The following ARHGEF18 variants were observed in gnomAD, a reference collection of about 807,000 sequenced individuals.
The protein encoded by ARHGEF18 is rho guanine nucleotide exchange factor 18.
ARHGEF18 carries 93 observed loss-of-function variants against 155.7 expected under a neutral mutation model. The observed-to-expected ratio is 0.60, with a 90% CI of 0.50 to 0.71. The LOEUF is 0.71. ARHGEF18 is among the 30% of genes least tolerant of loss of function. The pLI is 0.00. For synonymous variants in ARHGEF18, 742 were observed against 753.1 expected (o/e 0.99, Z 0.24); for missense variants, 1,593 against 1,816.1 (o/e 0.88, Z 2.23).
In ARHGEF18 at chr19:7,468,823, A is replaced by C. The variant is rs747849238; in HGVS notation, c.3481-2A>C. On this transcript the variant is annotated splice_acceptor_variant, in intron 26 of 28. Transcript: ENST00000668164. LOFTEE classifies it high-confidence loss of function. ...TGGATGTATCTGCTGTTGTCCCCTC[A>C]GGCCCAGCCCCCAAGCCACCCTCCC... 2 of 1,545,842 alleles carry C rather than the reference A, an allele frequency of 1.3e-6. No homozygotes were observed. Among genetic ancestry groups the C allele is most frequent in the Non-Finnish European group, 1.8e-6 (2 of 1,141,072 alleles).
rs183894246 is a variant in ARHGEF18, at chr19:7,468,558, C to T, written c.3481-267C>T. Among the ~76,000 whole-genome samples, 19 of 152,288 alleles carry T rather than the reference C, an allele frequency of 1.2e-4. No homozygotes were observed. In the East Asian group the frequency reaches 2.1e-3, roughly 17 times the overall value. ...TGTCTCTGAAAACAAATCTATAAAC[C>T]ATGGGTTCTGTGAACAGATGTGGAC... On this transcript the variant is annotated intron_variant, in intron 26 of 28. Coordinates refer to ENST00000668164, the MANE Select transcript of ARHGEF18 (RefSeq NM_001367823.1).
intron 1 of ARHGEF18, among the ~76,000 whole-genome samples, chr19:7,361,780 G>A (rs1266302110): frequency 6.6e-6 from 1 of 151,874 alleles, no homozygotes; most frequent in East Asian, 1.9e-4. Flanking sequence ...ATCACCTGAG[G>A]TCAGGAGTTC....
chr19:7,429,653 C>T (rs545942871), intron 10 of ARHGEF18, among the ~76,000 whole-genome samples: 2 of 152,162 alleles, frequency 1.3e-5, no homozygotes, highest in South Asian at 4.2e-4. Flanking sequence ...GAACTGTGGC[C>T]GATTGGATTT....
intron 10 of ARHGEF18, among the ~76,000 whole-genome samples, chr19:7,433,067 T>G (rs1041243575): frequency 6.6e-6 from 1 of 151,500 alleles, no homozygotes. Flanking sequence ...AGGCTGAGGC[T>G]GGAGGATCCC....
Position 7,470,825 on chromosome 19 carries a change from A to G in ARHGEF18, c.*527A>G, listed in dbSNP as rs879221466. 2 of 401,090 alleles carry G rather than the reference A, an allele frequency of 5.0e-6. No individual in the cohort carries two copies. The highest frequency in any genetic ancestry group is 4.1e-5 in the African/African-American group (2 of 48,700). 24.8% of individuals were successfully genotyped at this position (401,090 alleles called of 1,614,324 possible). On this transcript the variant is annotated 3_prime_UTR_variant, in exon 29 of 29. Coordinates refer to ENST00000668164, the MANE Select transcript of ARHGEF18 (RefSeq NM_001367823.1). This position sits in a 1 kb window ranked among gnomAD's most constrained non-coding sequence, Gnocchi z 5.9. ...CTGTCCCCAGAATCAGGCAGAATCC[A>G]CTTCCCAAACAGAGCCCCACGCAGG... is the stretch of plus-strand genomic sequence containing the variant.
intron 10 of ARHGEF18, among the ~76,000 whole-genome samples, chr19:7,383,538 T>G (rs1014424253): frequency 1.3e-5 from 2 of 152,082 alleles, no homozygotes; most frequent in African/African-American, 4.8e-5. Flanking sequence ...ATATATTCCC[T>G]TGCACTTCTG....
chr19:7,441,563 G>T, intron 11 of ARHGEF18, 90 bp from the exon 12 acceptor site: 1 of 923,396 alleles, frequency 1.1e-6, no homozygotes, highest in Non-Finnish European at 1.8e-6. Context: ...GTATCGAATC[G>T]GATGGAGTCA....
At chr19:7,368,789 TG>T (rs921061382) in intron 2 of ARHGEF18, among the ~76,000 whole-genome samples, 7 of 152,000 alleles carry the variant, frequency 4.6e-5, no homozygotes, top group African/African-American at 1.7e-4. Flanking sequence ...TGGAGCCATT[TG>T]GGGGGTAAGT....
intron 10 of ARHGEF18, among the ~76,000 whole-genome samples, chr19:7,434,762 G>A (rs1039366193): frequency 6.6e-6 from 1 of 152,220 alleles, no homozygotes; most frequent in African/African-American, 2.4e-5. Context: ...ACAGAAAGAA[G>A]CCTGTCCATC....
intron 2 of ARHGEF18, 132 bp from the exon 3 acceptor site, chr19:7,372,680 G>A: frequency 1.0e-6 from 1 of 954,320 alleles, no homozygotes; most frequent in Non-Finnish European, 1.4e-6. Context: ...AGGGCGCTGA[G>A]CCCAGGAGGG....
chr19:7,432,635 C>T (rs1165263263), intron 10 of ARHGEF18, among the ~76,000 whole-genome samples: 1 of 152,158 alleles, frequency 6.6e-6, no homozygotes, highest in Admixed American at 6.5e-5. Flanking sequence ...GCCACCACTC[C>T]CAGCCCTGTT....
In ARHGEF18 at chr19:7,421,175, G is replaced by C. The variant is rs535793364; in HGVS notation, c.968-19169G>C. On this transcript the variant is annotated intron_variant, in intron 10 of 28. Transcript: ENST00000668164. ...CAAAACTCCTGGGCTCAAGCGATCT[G>C]CCCACTTCAGCCTCCAAATGCCGTT... Among the ~76,000 whole-genome samples the C allele has an allele frequency of 2.6e-5, 4 of 152,120 alleles. No individual in the cohort carries two copies. In the East Asian group the frequency reaches 7.7e-4, roughly 29 times the overall value.
intron 10 of ARHGEF18, among the ~76,000 whole-genome samples, chr19:7,421,660 G>T (rs1486882397): frequency 6.6e-6 from 1 of 152,120 alleles, no homozygotes. Flanking sequence ...TACTTGGGAG[G>T]CTGGGACAGG....
At chr19:7,469,835 G>A (rs1976904320) in intron 27 of ARHGEF18, 69 bp from the exon 28 acceptor site, 5 of 1,571,888 alleles carry the variant, frequency 3.2e-6, no homozygotes, top group East Asian at 2.2e-5. Context: ...CTCTGCTCTC[G>A]GAGGCTGCCC....
In ARHGEF18 at chr19:7,378,399, G is replaced by A; in HGVS notation, c.547G>A (p.Glu183Lys). 8.1e-7 allele frequency: 1 copy of A among 1,234,444 alleles called. No individual in the cohort carries two copies. The highest frequency in any genetic ancestry group is 1.0e-6 in the Non-Finnish European group (1 of 988,310). 76.5% of individuals were successfully genotyped at this position (1,234,444 alleles called of 1,614,324 possible). Residue 183 changes from glutamate to lysine, a missense_variant, in exon 6 of 29, where the codon GAA becomes AAA. By Grantham distance (56) the Glu-to-Lys change is moderately conservative. Coordinates refer to ENST00000668164, the MANE Select transcript of ARHGEF18 (RefSeq NM_001367823.1). ...EVPTPPVQGL[E>K]PPVLECMEKD... ...GGATGGGGGGCTTCTTCCAGGCCTGGAACCTCCAGTGCTGGAGTGCATGGA... is the reference window on the plus strand; with the variant it reads ...GGATGGGGGGCTTCTTCCAGGCCTGAAACCTCCAGTGCTGGAGTGCATGGA...
rs540061400 is a variant in ARHGEF18, at chr19:7,417,987, T to C, written c.968-22357T>C. On this transcript the variant is annotated intron_variant, in intron 10 of 28. Transcript: ENST00000668164. ...CCAAAGGAGGTGCTGGATTTGGCCC[T>C]GGGGCCATAGTTTGCCGACCATTCT... Among the ~76,000 whole-genome samples, 372 of 152,340 alleles carry C rather than the reference T, an allele frequency of 2.4e-3. 1 individual carries two copies. Among genetic ancestry groups the C allele is most frequent in the African/African-American group, 8.6e-3 (356 of 41,568 alleles).
chr19:7,361,266 G>A (rs748183015), intron 1 of ARHGEF18, among the ~76,000 whole-genome samples: 97 of 151,838 alleles, frequency 6.4e-4, no homozygotes, highest in Non-Finnish European at 1.1e-3. Flanking sequence ...CAAGACCCCC[G>A]TCTCTACTAA....
At chr19:7,468,547 A>T (rs943231369) in intron 26 of ARHGEF18, among the ~76,000 whole-genome samples, 2 of 152,194 alleles carry the variant, frequency 1.3e-5, no homozygotes, top group Admixed American at 6.5e-5. Flanking sequence ...TCTGAAAACA[A>T]ATCTATAAAC....
At chr19:7,479,571 AG>A in the ARHGEF18 span, among the ~76,000 whole-genome samples, 63 of 152,364 alleles carry the variant, frequency 4.1e-4, no homozygotes, top group African/African-American at 1.5e-3. Context: ...CCTGGGCCTT[AG>A]GGCAGATGTC....
Sources: gnomAD v4.1 joint callset for allele counts (sites outside exome capture counted in the v4.1 genomes callset) on GRCh38, gnomAD v4.1.1 for gene constraint, Gnocchi (gnomAD v3.1) non-coding constraint, MANE v1.5 for transcripts, NCBI Gene and HGNC (gene_info 2026-07-23, HGNC 2026-07-21) for gene names.